Variants in MYO18B observed in about 807,000 individuals in gnomAD.
MYO18B encodes the protein myosin XVIIIB.
In MYO18B, 204 loss-of-function variants were observed where a neutral mutation model predicts 273.0. The ratio of observed to expected loss-of-function variants is 0.75; its 90% CI spans 0.67 to 0.84. The LOEUF (loss-of-function observed/expected upper bound fraction) is 0.84. Among genes scored for constraint, MYO18B ranks in the 40% least tolerant of loss-of-function variants. MYO18B has a pLI of 0.00. For synonymous variants in MYO18B, 1,330 were observed against 1,305.7 expected, an observed-to-expected ratio of 1.02 and a Z score of -0.40; for missense variants, 3,212 against 3,287.6, an observed-to-expected ratio of 0.98 and a Z score of 0.56.
chr22:25,947,534 A>ACACACC (rs1336495215), intron 35 of MYO18B, among the ~76,000 whole-genome samples, 178 bp from the exon 36 acceptor site: 1 of 143,192 alleles, frequency 7.0e-6, no homozygotes, highest in African/African-American at 2.9e-5. Context: ...ACACACACAC[A>ACACACC]CACACACACC....
chr22:25,988,197 C>T (rs1417064322), intron 39 of MYO18B, among the ~76,000 whole-genome samples: 1 of 151,786 alleles, frequency 6.6e-6, no homozygotes, highest in Non-Finnish European at 1.5e-5. Flanking sequence ...CTGGCTGGGG[C>T]CTTGTATTAT....
chr22:25,874,354 C>G lies in MYO18B; in HGVS notation c.4020C>G (p.Ile1340Met). The change falls in exon 23 of 44, where the codon ATC (isoleucine) becomes ATG (methionine). Residue 1340 changes from isoleucine to methionine, a missense_variant. Transcript: ENST00000335473. ...GAGAGAAGCTGGTATCTCAGAGCAT[C>G]GTTCTCTTCCAGGCGGCTTGCAAGG... ...KQREKLVSQS[I>M]VLFQAACKGF... 1 of 1,613,980 alleles carries G rather than the reference C, an allele frequency of 6.2e-7. No homozygotes were observed. Among genetic ancestry groups the G allele is most frequent in the Non-Finnish European group, 8.5e-7 (1 of 1,179,886 alleles).
At chr22:25,965,894 G>A (rs2092972386) in intron 39 of MYO18B, among the ~76,000 whole-genome samples, 1 of 152,174 alleles carries the variant, frequency 6.6e-6, no homozygotes, top group Non-Finnish European at 1.5e-5. Flanking sequence ...TTGGGGTGGT[G>A]TCCCCATACC....
At chr22:25,765,829 C>T (rs912330914) in intron 3 of MYO18B, among the ~76,000 whole-genome samples, 2 of 152,138 alleles carry the variant, frequency 1.3e-5, no homozygotes, top group African/African-American at 4.8e-5. Context: ...GTTACTGTCT[C>T]CTCTGTGGTG....
At chr22:25,997,984 A>AC (rs1359162633) in intron 40 of MYO18B, among the ~76,000 whole-genome samples, 7 of 144,906 alleles carry the variant, frequency 4.8e-5, no homozygotes, top group African/African-American at 1.8e-4. Flanking sequence ...CACACGAGAG[A>AC]GAGAGAGAGA....
At chr22:25,992,839 A>G (rs1208060798) in intron 40 of MYO18B, among the ~76,000 whole-genome samples, 1 of 152,198 alleles carries the variant, frequency 6.6e-6, no homozygotes, top group Non-Finnish European at 1.5e-5. Flanking sequence ...GATGAATCAC[A>G]TGCAATTGCC....
rs2748221 is a variant in MYO18B, at chr22:25,769,547, T to C, written c.1512+119T>C. On this transcript the variant is annotated intron_variant, in intron 4 of 43. Coordinates refer to ENST00000335473, the MANE Select transcript of MYO18B (RefSeq NM_032608.7). ...GGTGGACGGGGGGTGGGCAGGGAATTGGAGAGGGGTGGCTGGAACTGCAAG... is the reference window on the plus strand; with the variant it reads ...GGTGGACGGGGGGTGGGCAGGGAATCGGAGAGGGGTGGCTGGAACTGCAAG... 359,534 of 908,518 alleles carry C rather than the reference T, an allele frequency of 0.4. 73,742 individuals carry two copies. Among genetic ancestry groups the C allele is most frequent in the Admixed American group, 0.43 (14,008 of 32,212 alleles). 56.3% of individuals were successfully genotyped at this position (908,518 alleles called of 1,614,324 possible).
chr22:26,024,960 A>G (rs1219490853), intron 42 of MYO18B, among the ~76,000 whole-genome samples: 3 of 152,174 alleles, frequency 2.0e-5, no homozygotes, highest in Admixed American at 1.3e-4. Context: ...ATAGATTGCC[A>G]TCTCACTGTG....
intron 21 of MYO18B, among the ~76,000 whole-genome samples, chr22:25,866,296 C>T (rs566228762): frequency 6.6e-6 from 1 of 152,146 alleles, no homozygotes; most frequent in Non-Finnish European, 1.5e-5. Flanking sequence ...TTGGCAGTCA[C>T]TAAGCAACCA....
chr22:26,011,377 C>T (rs1934911792), intron 42 of MYO18B, among the ~76,000 whole-genome samples: 1 of 152,158 alleles, frequency 6.6e-6, no homozygotes, highest in Non-Finnish European at 1.5e-5. Context: ...TCACCTGGCT[C>T]TTGGAAATTC....
At chr22:25,917,545 GGTGTGTGTGTGTGTGTGTGTGT>G (rs3070569) in intron 33 of MYO18B, among the ~76,000 whole-genome samples, 22 of 142,246 alleles carry the variant, frequency 1.5e-4, no homozygotes, top group African/African-American at 5.0e-4. Flanking sequence ...GCTTTGTAGG[GGTGTGTGTGTGTGTGTGTGTGT>G]GTGTGTGTGT....
At chr22:25,847,936 AACACAC>A (rs1331432450) in intron 20 of MYO18B, among the ~76,000 whole-genome samples, 1 of 123,438 alleles carries the variant, frequency 8.1e-6, no homozygotes, top group Non-Finnish European at 1.7e-5. Flanking sequence ...TTCTTCTGAA[AACACAC>A]ACACATACAC....
intron 37 of MYO18B, among the ~76,000 whole-genome samples, chr22:25,951,456 T>C (rs2092792019): frequency 6.6e-6 from 1 of 152,200 alleles, no homozygotes; most frequent in Non-Finnish European, 1.5e-5. Flanking sequence ...TTGTGCTGAA[T>C]CCAAGCGTGC....
intron 5 of MYO18B, 36 bp from the exon 6 acceptor site, chr22:25,770,836 C>T (rs1332209889): frequency 6.8e-7 from 1 of 1,476,362 alleles, no homozygotes; most frequent in Non-Finnish European, 9.3e-7. Flanking sequence ...CCCATCTCCT[C>T]CCCGTTCCCC....
the MYO18B span, among the ~76,000 whole-genome samples, chr22:26,047,636 G>GT: frequency 6.6e-6 from 1 of 151,988 alleles, no homozygotes; most frequent in Non-Finnish European, 1.5e-5. Flanking sequence ...CAGATATGTT[G>GT]TAAGCATAAA....
At chr22:25,770,487 ACT>A (rs2086678253) in intron 5 of MYO18B, among the ~76,000 whole-genome samples, 1 of 152,152 alleles carries the variant, frequency 6.6e-6, no homozygotes, top group African/African-American at 2.4e-5. Context: ...ACTGCACTCT[ACT>A]GAGAAGTGAT....
chr22:26,027,055 A>C lies in MYO18B; in HGVS notation c.7081A>C (p.Met2361Leu), dbSNP rs374438402. The stretch of plus-strand genomic sequence containing the variant: ...GTCCCTCTTAGAATCCAGACCGAGC[A>C]TGGGGAGAAAACTGAGCTCTCCGAC... ...CESLLESRPS[M>L]GRKLSSPTTP... The change falls in exon 43 of 44, where the codon ATG (methionine) becomes CTG (leucine). Residue 2361 changes from methionine to leucine, a missense_variant. Transcript: ENST00000335473. The surrounding 1 kb of genome is among the most constrained non-coding windows in gnomAD (Gnocchi z 4.1). 4 of 1,614,002 alleles carry C rather than the reference A, an allele frequency of 2.5e-6. No individual in the cohort carries two copies. The highest frequency in any genetic ancestry group is 2.7e-5 in the African/African-American group (2 of 75,054).
Position 25,871,784 on chromosome 22 carries a change from CA to C in MYO18B, c.3952-2494del, listed in dbSNP as rs201903279. Among the ~76,000 whole-genome samples, 786 of 150,650 alleles carry C rather than the reference CA, an allele frequency of 5.2e-3. 7 individuals are homozygous for C. Among genetic ancestry groups the C allele is most frequent in the African/African-American group, 0.017 (697 of 41,066 alleles). On this transcript the variant is annotated intron_variant, in intron 22 of 43. Coordinates refer to ENST00000335473, the MANE Select transcript of MYO18B (RefSeq NM_032608.7). The stretch of plus-strand genomic sequence containing the variant: ...TGGTCGGCAATATGCTCTTAAAAGG[CA>C]AAAAAAACAAAAAACAAAAAACAAA...
chr22:25,941,302 G>T (rs529310087), intron 34 of MYO18B, among the ~76,000 whole-genome samples: 1 of 152,152 alleles, frequency 6.6e-6, no homozygotes, highest in Non-Finnish European at 1.5e-5. Context: ...ATTACTCAGA[G>T]TCGAAAGGTG....
Sources: allele counts gnomAD v4.1 joint callset (sites outside exome capture counted in the v4.1 genomes callset), GRCh38; gene constraint gnomAD v4.1.1; non-coding constraint Gnocchi (gnomAD v3.1); transcripts MANE v1.5; gene names NCBI Gene and HGNC (gene_info 2026-07-23, HGNC 2026-07-21).